The following RIT2 variants were observed in gnomAD, a reference collection of about 807,000 sequenced individuals.
RIT2 encodes GTP-binding protein Rit2.
A neutral mutation model predicts 23.7 loss-of-function variants in RIT2; 24 were observed. That is an observed-to-expected ratio of 1.01 (90% CI 0.73 to 1.43). The LOEUF (loss-of-function observed/expected upper bound fraction) is 1.43, where lower values mean the gene tolerates loss of function less well. Ranked by LOEUF, RIT2 falls within the 40% of genes most tolerant of loss-of-function variation. The probability of loss-of-function intolerance (pLI) is 0.00; values close to 1 mark genes in which losing one functional copy is unlikely to be tolerated. For synonymous variants in RIT2, 107 were observed against 91.1 expected (o/e 1.17, Z -0.99); for missense variants, 236 against 266.9 (o/e 0.88, Z 0.81).
At chr18:42,823,765 T>A (rs1568005494) in intron 4 of RIT2, among the ~76,000 whole-genome samples, 2 of 152,122 alleles carry the variant, frequency 1.3e-5, no homozygotes, top group African/African-American at 2.4e-5. Context: ...ACAGAAAATG[T>A]TTGAGATAGA....
At chr18:42,835,082 A>G (rs973075104) in intron 4 of RIT2, among the ~76,000 whole-genome samples, 3 of 152,160 alleles carry the variant, frequency 2.0e-5, no homozygotes, top group Non-Finnish European at 4.4e-5. Context: ...TCCAGTTACA[A>G]TGTTTCACTT....
chr18:42,983,272 T>G (rs1370291620), intron 2 of RIT2, among the ~76,000 whole-genome samples: 4 of 152,048 alleles, frequency 2.6e-5, no homozygotes, highest in African/African-American at 9.7e-5. Flanking sequence ...AAAATAAGCG[T>G]TTTTAACCAG....
chr18:42,889,938 T>C (rs1908125846), intron 4 of RIT2, among the ~76,000 whole-genome samples: 1 of 152,104 alleles, frequency 6.6e-6, no homozygotes, highest in South Asian at 2.1e-4. Context: ...TTGTTTAGTT[T>C]TGTTCTTCAC....
intron 3 of RIT2, among the ~76,000 whole-genome samples, chr18:42,958,125 T>C (rs1215296122): frequency 6.6e-6 from 1 of 152,160 alleles, no homozygotes; most frequent in Admixed American, 6.6e-5. Context: ...TGCTCACCTT[T>C]GGCAAGGCAA....
chr18:42,805,486 G>A (rs904054526), intron 4 of RIT2, among the ~76,000 whole-genome samples: 3 of 152,076 alleles, frequency 2.0e-5, no homozygotes, highest in Admixed American at 6.6e-5. Flanking sequence ...ACTAAAATAA[G>A]CTCTAATGTA....
rs944213504 is a variant in RIT2, at chr18:42,743,612, T to C, written c.535A>G (p.Arg179Gly). The part of the protein sequence containing the change: ...CIDDAFHGLV[R>G]EIRKKESMPS... Reference sequence around the variant, plus strand: ...ATGGACTCCTTCTTGCGAATTTCCCTCACTAAGCCATGAAAAGCATCATCA... The same window carrying C: ...ATGGACTCCTTCTTGCGAATTTCCCCCACTAAGCCATGAAAAGCATCATCA... Residue 179 changes from arginine (R) to glycine (G), a missense_variant, in exon 5 of 5, where the codon AGG (arginine) becomes GGG (glycine). Physicochemically the swap from Arg to Gly is moderately radical, Grantham distance 125. Coordinates refer to ENST00000326695, the MANE Select transcript of RIT2 (RefSeq NM_002930.4). The C allele has an allele frequency of 2.5e-6, 4 of 1,613,886 alleles. No individual in the cohort carries two copies. The highest frequency in any genetic ancestry group is 1.7e-5 in the Admixed American group (1 of 59,980).
Position 43,010,515 on chromosome 18 carries a change from T to C in RIT2, c.160+23296A>G, listed in dbSNP as rs573813519. Among the ~76,000 whole-genome samples the C allele has an allele frequency of 6.6e-5, 10 of 151,962 alleles. No individual in the cohort carries two copies. The South Asian group carries it at 2.1e-3, about 32-fold the overall frequency. On this transcript the variant is annotated intron_variant, in intron 2 of 4. Transcript: ENST00000326695. Reference sequence around the variant, plus strand: ...AATCTAGAAAGAAAATGATTGTATTTCTTCTGCAACAATTTTGTTCAGGTT... The same window carrying C: ...AATCTAGAAAGAAAATGATTGTATTCCTTCTGCAACAATTTTGTTCAGGTT...
At chr18:43,086,790 T>A (rs1338167431) in intron 1 of RIT2, among the ~76,000 whole-genome samples, 1 of 152,166 alleles carries the variant, frequency 6.6e-6, no homozygotes, top group East Asian at 1.9e-4. Flanking sequence ...CACATGGCTG[T>A]GGAGAAGGAA....
intron 1 of RIT2, among the ~76,000 whole-genome samples, chr18:43,062,849 G>A (rs1912681936): frequency 6.6e-6 from 1 of 152,096 alleles, no homozygotes; most frequent in Admixed American, 6.6e-5. Flanking sequence ...GACATATAAA[G>A]CATTAATTAG....
chr18:43,105,519 A>AGG (rs1555658770), intron 1 of RIT2, among the ~76,000 whole-genome samples: 1 of 151,530 alleles, frequency 6.6e-6, no homozygotes, highest in Non-Finnish European at 1.5e-5. Flanking sequence ...GGAGGGAGGG[A>AGG]ATGAGCAGTT....
At chr18:43,044,264 G>A (rs975533069) in intron 1 of RIT2, among the ~76,000 whole-genome samples, 1 of 152,076 alleles carries the variant, frequency 6.6e-6, no homozygotes, top group African/African-American at 2.4e-5. Flanking sequence ...GAGGTATCCC[G>A]ATCCCACTTT....
intron 4 of RIT2, among the ~76,000 whole-genome samples, chr18:42,912,149 T>C (rs144119606): frequency 1.3e-5 from 2 of 151,862 alleles, no homozygotes; most frequent in East Asian, 3.9e-4. Flanking sequence ...AATGTATTAA[T>C]GTAGTCCACC....
intron 1 of RIT2, among the ~76,000 whole-genome samples, chr18:43,060,536 C>A (rs376035635): frequency 6.6e-6 from 1 of 152,072 alleles, no homozygotes; most frequent in African/African-American, 2.4e-5. Flanking sequence ...TATTCCAGAA[C>A]GTATTGGGTC....
intron 4 of RIT2, among the ~76,000 whole-genome samples, chr18:42,907,488 G>A (rs1207084909): frequency 2.6e-5 from 4 of 152,130 alleles, no homozygotes; most frequent in African/African-American, 7.2e-5. Flanking sequence ...AGAAAAACAA[G>A]CACAAAGCTC....
At chr18:43,012,813 G>A (rs775389009) in intron 2 of RIT2, among the ~76,000 whole-genome samples, 5 of 151,642 alleles carry the variant, frequency 3.3e-5, no homozygotes, top group Non-Finnish European at 5.9e-5. Flanking sequence ...GCCACATTTT[G>A]TAATTGAAGA....
chr18:42,797,960 A>G (rs1190349850), intron 4 of RIT2, among the ~76,000 whole-genome samples: 2 of 152,214 alleles, frequency 1.3e-5, no homozygotes, highest in Non-Finnish European at 2.9e-5. Flanking sequence ...TTATTTGCCA[A>G]ATATCAGGTT....
intron 3 of RIT2, among the ~76,000 whole-genome samples, chr18:42,954,954 G>T (rs1909938594): frequency 6.6e-6 from 1 of 152,140 alleles, no homozygotes; most frequent in African/African-American, 2.4e-5. Flanking sequence ...CAATACTTGT[G>T]TTGTTGGGCA....
At chr18:43,073,546 G>T (rs1912944544) in intron 1 of RIT2, among the ~76,000 whole-genome samples, 1 of 152,052 alleles carries the variant, frequency 6.6e-6, no homozygotes, top group Non-Finnish European at 1.5e-5. Context: ...TATAACTAAG[G>T]CCCTCGTCCA....
At chr18:42,970,981 A>T (rs1424196245) in intron 3 of RIT2, among the ~76,000 whole-genome samples, 1 of 152,008 alleles carries the variant, frequency 6.6e-6, no homozygotes, top group African/African-American at 2.4e-5. Flanking sequence ...TACAAGCACA[A>T]TCATGAAACA....
Sources: gnomAD v4.1 joint callset for allele counts (sites outside exome capture counted in the v4.1 genomes callset) on GRCh38, gnomAD v4.1.1 for gene constraint, MANE v1.5 for transcripts, NCBI Gene and HGNC (gene_info 2026-07-23, HGNC 2026-07-21) for gene names.